The following VGLL3 variants were observed in gnomAD, a reference collection of about 807,000 sequenced individuals.
VGLL3 encodes the protein vestigial like family member 3, also known as transcription cofactor vestigial-like protein 3.
In VGLL3, 18 loss-of-function variants were observed where a neutral mutation model predicts 29.2. That is an observed-to-expected ratio of 0.62 (90% confidence interval 0.43 to 0.91). The LOEUF is 0.91. VGLL3 is among the 40% of genes least tolerant of loss of function. VGLL3 has a pLI of 0.00. For synonymous variants in VGLL3, 180 were observed against 151.8 expected, an observed-to-expected ratio of 1.19 and a Z score of -1.36; for missense variants, 440 against 413.2, an observed-to-expected ratio of 1.06 and a Z score of -0.56.
intron 3 of VGLL3, among the ~76,000 whole-genome samples, chr3:86,956,484 G>A (rs987533671): frequency 6.6e-6 from 1 of 152,102 alleles, no homozygotes; most frequent in Non-Finnish European, 1.5e-5. Context: ...AATCTTGCTT[G>A]CAGTTTTTAA....
rs1178386082 is a variant in VGLL3, at chr3:86,972,618, G to A, written c.404-3495C>T. 2.4e-4 allele frequency among the ~76,000 whole-genome samples: 37 copies of A among 152,068 alleles called. 1 individual carries two copies. ...CTTTGCTTATGAGTACTTAATCACAGCCACATTTGTTGGATGAAGAAGACA... is the reference window on the plus strand; with the variant it reads ...CTTTGCTTATGAGTACTTAATCACAACCACATTTGTTGGATGAAGAAGACA... On this transcript the variant is annotated intron_variant, in intron 2 of 3. Coordinates refer to ENST00000398399, the MANE Select transcript of VGLL3 (RefSeq NM_016206.4).
At chr3:86,982,449 C>CTT (rs563026048) in intron 1 of VGLL3, among the ~76,000 whole-genome samples, 192 of 141,686 alleles carry the variant, frequency 1.4e-3, no homozygotes, top group African/African-American at 4.4e-3. Context: ...TCCAGCTCTG[C>CTT]TTTTTTTTTT....
At position 86,944,550 on chromosome 3, in the gene VGLL3, C is replaced by T. The variant is rs977262309; in HGVS notation, c.*2474G>A. Reference sequence around the variant, plus strand: ...ACAGGCATGAGCTGCTGTGCCCAGCCTGGGTCCTGTTTTCAAAGAGAGAGC... The same window carrying T: ...ACAGGCATGAGCTGCTGTGCCCAGCTTGGGTCCTGTTTTCAAAGAGAGAGC... On this transcript the variant is annotated 3_prime_UTR_variant, in exon 4 of 4. Transcript: ENST00000398399. 2.0e-5 allele frequency: 3 copies of T among 152,342 alleles called. No homozygotes were observed. The highest frequency in any genetic ancestry group is 7.2e-5 in the African/African-American group (3 of 41,458). 9.4% of individuals were successfully genotyped at this position (152,342 alleles called of 1,614,324 possible).
At chr3:86,949,994 T>C (rs1171661617) in intron 3 of VGLL3, among the ~76,000 whole-genome samples, 1 of 152,164 alleles carries the variant, frequency 6.6e-6, no homozygotes, top group Admixed American at 6.5e-5. Context: ...CCATGAATCT[T>C]ATGTGGTCTA....
chr3:86,990,665 T>C lies in VGLL3; in HGVS notation c.79A>G (p.Thr27Ala), dbSNP rs756991561. 1.4e-6 allele frequency: 2 copies of C among 1,405,382 alleles called. No homozygotes were observed. Among genetic ancestry groups the C allele is most frequent in the South Asian group, 1.9e-5 (1 of 52,850 alleles). 87.1% of individuals were successfully genotyped at this position (1,405,382 alleles called of 1,614,324 possible). ...QYLPNPMAATTCPTAYYQPAP... is the reference protein window; with the variant it reads ...QYLPNPMAATACPTAYYQPAP... ...GGCTGATAGTAGGCTGTGGGGCAGGTTGTCGCTGCCATGGGGTTGGGCAGA... is the reference window on the plus strand; with the variant it reads ...GGCTGATAGTAGGCTGTGGGGCAGGCTGTCGCTGCCATGGGGTTGGGCAGA... Residue 27 changes from threonine (T) to alanine (A), a missense_variant, in exon 1 of 4, where the codon ACC becomes GCC. By Grantham distance (58) the Thr-to-Ala change is moderately conservative. Coordinates refer to ENST00000398399, the MANE Select transcript of VGLL3 (RefSeq NM_016206.4).
At chr3:86,971,539 C>T (rs1448929839) in intron 2 of VGLL3, among the ~76,000 whole-genome samples, 1 of 152,204 alleles carries the variant, frequency 6.6e-6, no homozygotes, top group Non-Finnish European at 1.5e-5. Context: ...CCTCAGGAAA[C>T]TTTTAATTGA....
intron 3 of VGLL3, among the ~76,000 whole-genome samples, chr3:86,967,716 T>A (rs1000891284): frequency 1.6e-4 from 25 of 152,268 alleles, no homozygotes; most frequent in Admixed American, 2.6e-4. Context: ...TACTTTGGAC[T>A]CCAGGGATAC....
At chr3:86,965,970 A>G (rs995847563) in intron 3 of VGLL3, among the ~76,000 whole-genome samples, 8 of 152,194 alleles carry the variant, frequency 5.3e-5, no homozygotes, top group Non-Finnish European at 7.3e-5. Flanking sequence ...AAATTGACGT[A>G]CAACACCCCT....
Position 86,991,084 on chromosome 3 carries a change from A to C in VGLL3, c.-341T>G, listed in dbSNP as rs1293049204. On this transcript the variant is annotated 5_prime_UTR_variant, in exon 1 of 4. Transcript: ENST00000398399. ...GGGCTGCGGCGCCCACGGCAGCGCC[A>C]GTCACAGCCACAGCCCAGGCCCGGG... 1 of 333,960 alleles carries C rather than the reference A, an allele frequency of 3.0e-6. No individual in the cohort carries two copies. Among genetic ancestry groups the C allele is most frequent in the Admixed American group, 6.4e-5 (1 of 15,602 alleles). The allele number at this position is 333,960 out of a possible 1,614,324, so 20.7% of individuals were successfully genotyped here.
chr3:86,978,830 T>C, intron 1 of VGLL3, 28 bp from the exon 2 acceptor site: 1 of 1,537,484 alleles, frequency 6.5e-7, no homozygotes, highest in Non-Finnish European at 8.7e-7. Context: ...AAACACAGTA[T>C]CAAAGACAGT....
At chr3:86,989,036 T>C (rs1014935933) in intron 1 of VGLL3, among the ~76,000 whole-genome samples, 12 of 152,220 alleles carry the variant, frequency 7.9e-5, no homozygotes, top group Non-Finnish European at 1.3e-4. Flanking sequence ...ACTTTTATGA[T>C]TGGCAATTTG....
At chr3:86,958,094 A>G (rs755449718) in intron 3 of VGLL3, among the ~76,000 whole-genome samples, 8 of 152,122 alleles carry the variant, frequency 5.3e-5, no homozygotes, top group Non-Finnish European at 1.2e-4. Context: ...TTTCTTTTTC[A>G]GTCAGCAATA....
At chr3:86,979,441 G>A (rs1254249318) in intron 1 of VGLL3, among the ~76,000 whole-genome samples, 2 of 151,976 alleles carry the variant, frequency 1.3e-5, no homozygotes, top group African/African-American at 4.8e-5. Context: ...ATTATCATGA[G>A]GGGAAAAGAT....
chr3:86,956,133 G>A (rs1704717293), intron 3 of VGLL3, among the ~76,000 whole-genome samples: 1 of 152,144 alleles, frequency 6.6e-6, no homozygotes, highest in Non-Finnish European at 1.5e-5. Flanking sequence ...GTTCGAAAAC[G>A]GATATAAAAT....
In VGLL3 at chr3:86,984,004, C is replaced by T. The variant is rs145318700; in HGVS notation, c.127-5202G>A. ...ATAGACTAAAGAAAATGTGTCTCTA[C>T]GATATTTATTTTAACTGAATAAACA... On this transcript the variant is annotated intron_variant, in intron 1 of 3. Transcript: ENST00000398399. 1.8e-4 allele frequency among the ~76,000 whole-genome samples: 28 copies of T among 152,206 alleles called. No individual in the cohort carries two copies. The East Asian group carries it at 2.5e-3, about 14-fold the overall frequency.
At chr3:86,974,040 T>C (rs1260873391) in intron 2 of VGLL3, among the ~76,000 whole-genome samples, 1 of 152,190 alleles carries the variant, frequency 6.6e-6, no homozygotes, top group East Asian at 1.9e-4. Context: ...TTAAAATCTT[T>C]ATAATAACTC....
At chr3:86,966,192 G>C (rs1439218866) in intron 3 of VGLL3, among the ~76,000 whole-genome samples, 1 of 151,936 alleles carries the variant, frequency 6.6e-6, no homozygotes, top group Non-Finnish European at 1.5e-5. Flanking sequence ...AGACAAATCT[G>C]AGCAATCATC....
intron 3 of VGLL3, among the ~76,000 whole-genome samples, chr3:86,966,773 GTATATATATATATA>G (rs55986686): frequency 0.015 from 578 of 37,986 alleles, 11 homozygotes; most frequent in Admixed American, 0.029. Context: ...GTGTGTGTGT[GTATATATATATATA>G]TATATATATA....
intron 3 of VGLL3, among the ~76,000 whole-genome samples, chr3:86,954,488 T>C (rs1258961099): frequency 2.0e-5 from 3 of 152,236 alleles, no homozygotes; most frequent in Non-Finnish European, 4.4e-5. Flanking sequence ...GACATGTGCA[T>C]ATTAAAATGC....
Sources: gnomAD v4.1 joint callset for allele counts (sites outside exome capture counted in the v4.1 genomes callset) on GRCh38, gnomAD v4.1.1 for gene constraint, MANE v1.5 for transcripts, NCBI Gene and HGNC (gene_info 2026-07-23, HGNC 2026-07-21) for gene names.